The following FOXA2 variants were observed in gnomAD, a reference collection of about 807,000 sequenced individuals.
FOXA2 encodes forkhead box A2, also known as hepatocyte nuclear factor 3-beta.
In FOXA2, 9 loss-of-function variants were observed where a neutral mutation model predicts 33.3. The ratio of observed to expected loss-of-function variants is 0.27; its 90% confidence interval spans 0.16 to 0.47. The LOEUF is 0.47. Ranked by LOEUF, FOXA2 falls within the 20% of genes least tolerant of loss-of-function variation. FOXA2 has a pLI of 0.99. For synonymous variants in FOXA2, 329 were observed against 289.4 expected, an observed-to-expected ratio of 1.14 and a Z score of -1.39; for missense variants, 704 against 659.9, an observed-to-expected ratio of 1.07 and a Z score of -0.73.
rs749671701 is a variant in FOXA2, at chr20:22,584,283, G to A, written c.-5C>T. 6.2e-7 allele frequency: 1 copy of A among 1,609,348 alleles called. No individual in the cohort carries two copies. The highest frequency in any genetic ancestry group is 8.5e-7 in the Non-Finnish European group (1 of 1,177,738). On this transcript the variant is annotated 5_prime_UTR_variant, in exon 1 of 2. Coordinates refer to ENST00000419308, the MANE Select transcript of FOXA2 (RefSeq NM_021784.5). The stretch of plus-strand genomic sequence containing the variant: ...CATACTGGAAGCCGAGTGCATGGCA[G>A]TTTAAAATTTAACAGCCACAACAAA...
Position 22,583,164 on chromosome 20 carries a change from G to C in FOXA2, c.88-10C>G. 6.3e-7 allele frequency: 1 copy of C among 1,599,978 alleles called. No individual in the cohort carries two copies. The highest frequency in any genetic ancestry group is 8.5e-7 in the Non-Finnish European group (1 of 1,179,750). Reference sequence around the variant, plus strand: ...TCACGGAGGAGTAGCCCTGCGGACAGAGCCCCGGGAGGGAGGCGACAGCGT... The same window carrying C: ...TCACGGAGGAGTAGCCCTGCGGACACAGCCCCGGGAGGGAGGCGACAGCGT... On this transcript the variant is annotated splice_polypyrimidine_tract_variant and intron_variant, in intron 1 of 1. Coordinates refer to ENST00000419308, the MANE Select transcript of FOXA2 (RefSeq NM_021784.5).
At position 22,582,115 on chromosome 20, in the gene FOXA2, T is replaced by C. The variant is rs773948952; in HGVS notation, c.1127A>G (p.Tyr376Cys). Residue 376 changes from tyrosine to cysteine, a missense_variant, in exon 2 of 2, where the codon TAC becomes TGC. Coordinates refer to ENST00000419308, the MANE Select transcript of FOXA2 (RefSeq NM_021784.5). ...PEAHLKPEHH[Y>C]AFNHPFSINN... ...GATGGAGAACGGGTGGTTGAAGGCG[T>C]AGTGGTGTTCCGGCTTCAGGTGGGC... 6.2e-7 allele frequency: 1 copy of C among 1,603,608 alleles called. No homozygotes were observed. Among genetic ancestry groups the C allele is most frequent in the Admixed American group, 1.7e-5 (1 of 57,758 alleles).
rs1984567658 is a variant in FOXA2 at position 22,581,474 on chromosome 20, T to A, written c.*376A>T. On this transcript the variant is annotated 3_prime_UTR_variant, in exon 2 of 2. Transcript: ENST00000419308. ...TCACTCACAAAATTTTTTTTTTTTT[T>A]TAAGTAAGACTTCCCTGCAACAACA... 5.8e-6 allele frequency: 1 copy of A among 171,084 alleles called. No individual in the cohort carries two copies. The highest frequency in any genetic ancestry group is 1.2e-5 in the Non-Finnish European group (1 of 81,088). 10.6% of individuals were successfully genotyped at this position (171,084 alleles called of 1,614,324 possible). A position where few individuals can be genotyped will look rare whatever the true frequency, so the allele number is the denominator to read the frequency against.
intron 1 of FOXA2, 126 bp downstream of exon 1, chr20:22,584,066 C>A: frequency 2.5e-6 from 2 of 806,164 alleles, no homozygotes; most frequent in Admixed American, 1.9e-5. Context: ...GCGGAAAAGG[C>A]GGCTGCCCAG....
rs776794043 is a variant in FOXA2 at position 22,583,143 on chromosome 20, G to T, written c.99C>A (p.Ser33=). 2.7e-5 allele frequency: 44 copies of T among 1,602,168 alleles called. No individual in the cohort carries two copies. Among genetic ancestry groups the T allele is most frequent in the Admixed American group, 5.0e-5 (3 of 60,016 alleles). Residue 33 remains serine, a synonymous_variant, in exon 2 of 2, where the codon TCC becomes TCA. Coordinates refer to ENST00000419308, the MANE Select transcript of FOXA2 (RefSeq NM_021784.5). ...SYYAEPEGYS[S]VSNMNAGLGM... is the part of the protein sequence containing the mutation. ...CCAGGCCGGCGTTCATGTTGCTCAC[G>T]GAGGAGTAGCCCTGCGGACAGAGCC...
rs758275197 is a variant in FOXA2, at chr20:22,582,546, C to T, written c.696G>A (p.Lys232=). The part of the protein sequence containing the change: ...CFLKVPRSPD[K]PGKGSFWTLH... ...GGGTCCAGAAGGAGCCCTTGCCGGG[C>T]TTGTCGGGCGAGCGGGGCACCTTCA... Residue 232 remains lysine (K), a synonymous_variant, in exon 2 of 2, where the codon AAG becomes AAA. Transcript: ENST00000419308. 5.6e-6 allele frequency: 9 copies of T among 1,614,028 alleles called. No individual in the cohort carries two copies. The African/African-American group carries it at 9.3e-5, about 17-fold the overall frequency.
chr20:22,585,063 G>A (rs1984730385), upstream of FOXA2, among the ~76,000 whole-genome samples: 1 of 152,124 alleles, frequency 6.6e-6, no homozygotes, highest in South Asian at 2.1e-4. Context: ...GGGCGGCTCC[G>A]GCCTCCAGCC....
At chr20:22,583,941 C>A (rs1289126691) in intron 1 of FOXA2, among the ~76,000 whole-genome samples, 1 of 152,136 alleles carries the variant, frequency 6.6e-6, no homozygotes, top group Non-Finnish European at 1.5e-5. Flanking sequence ...GTGCGTGGCT[C>A]GGCCACGAAG....
At position 22,582,922 on chromosome 20, in the gene FOXA2, C is replaced by A. The variant is rs1244182319; in HGVS notation, c.320G>T (p.Gly107Val). Reference sequence around the variant, plus strand: ...GCTGGGACTCAAGTGCGGCCCCATGCCCGCCACGCCGGCCGCCCCGGCCGA... The same window carrying A: ...GCTGGGACTCAAGTGCGGCCCCATGACCGCCACGCCGGCCGCCCCGGCCGA... ...GGSAGAAGVAGMGPHLSPSLS... is the reference protein window; with the variant it reads ...GGSAGAAGVAVMGPHLSPSLS... The change falls in exon 2 of 2, where the codon GGC (glycine) becomes GTC (valine). Residue 107 changes from glycine (G) to valine (V), a missense_variant. Around this residue, in one of 5 missense-constraint regions of FOXA2, gnomAD observed 304 missense variants for 251.7 expected, o/e 1.21. Transcript: ENST00000419308. The A allele has an allele frequency of 1.3e-6, 2 of 1,516,886 alleles. No individual in the cohort carries two copies. Among genetic ancestry groups the A allele is most frequent in the Admixed American group, 4.3e-5 (2 of 46,424 alleles). 94.0% of individuals were successfully genotyped at this position (1,516,886 alleles called of 1,614,324 possible).
chr20:22,582,635 G>C lies in FOXA2; in HGVS notation c.607C>G (p.Arg203Gly). Residue 203 changes from arginine to glycine, a missense_variant, in exon 2 of 2, where the codon CGG becomes GGG. By Grantham distance (125) the Arg-to-Gly change is moderately radical. Coordinates refer to ENST00000419308, the MANE Select transcript of FOXA2 (RefSeq NM_021784.5). ...TTCTGCCAGCGCTGCTGGTTCTGCC[G>C]GTAGAAGGGGAAGAGGTCCATGATC... ...QWIMDLFPFY[R>G]QNQQRWQNSI... 6.2e-7 allele frequency: 1 copy of C among 1,614,178 alleles called. No homozygotes were observed.
At position 22,583,002 on chromosome 20, in the gene FOXA2, G is replaced by T. The variant is rs1600434010; in HGVS notation, c.240C>A (p.Ser80Arg). Residue 80 changes from serine to arginine, a missense_variant, in exon 2 of 2, where the codon AGC becomes AGA. Ser to Arg is a moderately radical substitution (Grantham distance 110). Around this residue, in one of 5 missense-constraint regions of FOXA2, gnomAD observed 304 missense variants for 251.7 expected, o/e 1.21. Coordinates refer to ENST00000419308, the MANE Select transcript of FOXA2 (RefSeq NM_021784.5). ...CGGGGGACATCCCCGCCAGGGACGG[G>T]CTCATGCCAGCGCCCACGTACGACG... is the stretch of plus-strand genomic sequence containing the variant. The part of the protein sequence containing the change: ...NMSSYVGAGM[S>R]PSLAGMSPGA... 1.2e-6 allele frequency: 2 copies of T among 1,607,964 alleles called. No homozygotes were observed. The highest frequency in any genetic ancestry group is 2.2e-5 in the East Asian group (1 of 44,798).
rs1341072640 is a variant in FOXA2, at chr20:22,584,192, C to T, written c.87G>A (p.Glu29=). The T allele has an allele frequency of 6.2e-7, 1 of 1,613,698 alleles. No individual in the cohort carries two copies. Among genetic ancestry groups the T allele is most frequent in the South Asian group, 1.1e-5 (1 of 91,072 alleles). Residue 29 remains glutamate, a splice_region_variant and synonymous_variant, in exon 1 of 2, where the codon GAG becomes GAA. Coordinates refer to ENST00000419308, the MANE Select transcript of FOXA2 (RefSeq NM_021784.5). The part of the protein sequence containing the change: ...SDWSSYYAEP[E]GYSSVSNMNA... ...CCCCCTGGAAAAGACGAGCGCTTAC[C>T]TCGGGCTCTGCATAGTAGCTGCTCC... is the stretch of plus-strand genomic sequence containing the variant.
At position 22,584,167 on chromosome 20, in the gene FOXA2, C is replaced by A. The variant is rs200785320; in HGVS notation, c.87+25G>T. 46 of 1,609,118 alleles carry A rather than the reference C, an allele frequency of 2.9e-5. No homozygotes were observed. In the African/African-American group the frequency reaches 5.1e-4, roughly 18 times the overall value. ...AGGAGCGAGCGCCGCCGCTCCACTT[C>A]CCCCTGGAAAAGACGAGCGCTTACC... On this transcript the variant is annotated intron_variant, in intron 1 of 1. Coordinates refer to ENST00000419308, the MANE Select transcript of FOXA2 (RefSeq NM_021784.5).
In FOXA2 at chr20:22,582,207, G is replaced by C. The variant is rs749146776; in HGVS notation, c.1035C>G (p.Pro345=). 6.2e-5 allele frequency: 96 copies of C among 1,545,560 alleles called. No homozygotes were observed. The highest frequency in any genetic ancestry group is 1.8e-4 in the Admixed American group (9 of 50,738). Residue 345 remains proline (P), a synonymous_variant, in exon 2 of 2, where the codon CCC becomes CCG. Transcript: ENST00000419308. ...ALSPPEPAPS[P]GQQQQAAAHL... Reference sequence around the variant, plus strand: ...GGGCCGCGGCCTGCTGCTGCTGCCCGGGAGAGGGCGCCGGCTCTGGGGGGC... The same window carrying C: ...GGGCCGCGGCCTGCTGCTGCTGCCCCGGAGAGGGCGCCGGCTCTGGGGGGC...
upstream of FOXA2, among the ~76,000 whole-genome samples, chr20:22,584,943 G>C (rs1447975538): frequency 6.6e-6 from 1 of 152,090 alleles, no homozygotes; most frequent in Non-Finnish European, 1.5e-5. Flanking sequence ...CCAGGGGAGC[G>C]GGCTGGGCGG....
At position 22,584,305 on chromosome 20, in the gene FOXA2, C is replaced by G; in HGVS notation, c.-27G>C. 1 of 1,596,454 alleles carries G rather than the reference C, an allele frequency of 6.3e-7. No individual in the cohort carries two copies. The highest frequency in any genetic ancestry group is 2.2e-5 in the East Asian group (1 of 44,614). On this transcript the variant is annotated 5_prime_UTR_variant, in exon 1 of 2. Coordinates refer to ENST00000419308, the MANE Select transcript of FOXA2 (RefSeq NM_021784.5). ...GCAGTTTAAAATTTAACAGCCACAA[C>G]AAACGACCAGCAATCACCCCCCACC...
Position 22,581,579 on chromosome 20 carries a change from A to C in FOXA2, c.*271T>G. 6 of 340,176 alleles carry C rather than the reference A, an allele frequency of 1.8e-5. No homozygotes were observed. Among genetic ancestry groups the C allele is most frequent in the East Asian group, 9.2e-5 (2 of 21,694 alleles). The allele number at this position is 340,176 out of a possible 1,614,324, so 21.1% of individuals were successfully genotyped here. A position where few individuals can be genotyped will look rare whatever the true frequency, so the allele number is the denominator to read the frequency against. On this transcript the variant is annotated 3_prime_UTR_variant, in exon 2 of 2. Transcript: ENST00000419308. ...AAGCAGGAGTCTACACAGTAGTGGA[A>C]ACCGGAGGCTTTTTTTTAACTTTAT... is the stretch of plus-strand genomic sequence containing the variant.
In FOXA2 at chr20:22,582,399, C is replaced by A; in HGVS notation, c.843G>T (p.Lys281Asn). ...EAAGAAGSGK[K>N]AAAGAQASQA... ...GTGAGGCCTGGGCTCCGGCGGCCGCCTTCTTGCCGCTGCCGGCGGCGCCTG... is the reference window on the plus strand; with the variant it reads ...GTGAGGCCTGGGCTCCGGCGGCCGCATTCTTGCCGCTGCCGGCGGCGCCTG... Residue 281 changes from lysine to asparagine, a missense_variant, in exon 2 of 2, where the codon AAG becomes AAT. Around this residue, in one of 5 missense-constraint regions of FOXA2, gnomAD observed 343 missense variants for 274.8 expected, o/e 1.25. Transcript: ENST00000419308. 1 of 1,560,994 alleles carries A rather than the reference C, an allele frequency of 6.4e-7. No individual in the cohort carries two copies.
intron 1 of FOXA2, among the ~76,000 whole-genome samples, chr20:22,583,647 C>G (rs530403490): frequency 3.9e-5 from 6 of 152,342 alleles, no homozygotes; most frequent in Admixed American, 6.5e-5. Flanking sequence ...TCCAGGGACC[C>G]CCTCCCTTGT....
Sources: gnomAD v4.1 joint callset for allele counts (sites outside exome capture counted in the v4.1 genomes callset) on GRCh38, gnomAD v4.1.1 for gene constraint, gnomAD v4.1.1 regional missense constraint, MANE v1.5 for transcripts, NCBI Gene and HGNC (gene_info 2026-07-23, HGNC 2026-07-21) for gene names.